MAP2K6: variants seen among roughly 807,000 people sequenced by gnomAD.
The protein encoded by MAP2K6 is mitogen-activated protein kinase kinase 6, also known as dual specificity mitogen-activated protein kinase kinase 6.
MAP2K6 carries 16 observed loss-of-function variants against 53.7 expected under a neutral mutation model. The observed-to-expected ratio is 0.30, with a 90% CI of 0.20 to 0.45. The LOEUF (loss-of-function observed/expected upper bound fraction) is 0.45, where lower values mean the gene tolerates loss of function less well. Among genes scored for constraint, MAP2K6 ranks in the 20% least tolerant of loss-of-function variants. MAP2K6 has a pLI of 1.00. For missense variants in MAP2K6, 204 were observed against 411.9 expected, an observed-to-expected ratio of 0.50 and a Z score of 4.37; for synonymous variants, 132 against 143.1, an observed-to-expected ratio of 0.92 and a Z score of 0.55.
intron 1 of MAP2K6, among the ~76,000 whole-genome samples, chr17:69,495,467 C>A (rs540842182): frequency 6.6e-5 from 10 of 152,056 alleles, no homozygotes; most frequent in Non-Finnish European, 1.3e-4. Flanking sequence ...AACTCCAGAC[C>A]TCAGGTGATC....
rs370210462 is a variant in MAP2K6 at position 69,488,003 on chromosome 17, A to G, written c.17-17777A>G. ...AGCTTCTGTATAGCAAAAGAAACTA[A>G]CACTAGAGTAAACAGACAACCTACA... On this transcript the variant is annotated intron_variant, in intron 1 of 11. Transcript: ENST00000590474. 4.6e-5 allele frequency among the ~76,000 whole-genome samples: 7 copies of G among 152,306 alleles called. No individual in the cohort carries two copies. The East Asian group carries it at 1.3e-3, about 29-fold the overall frequency.
At chr17:69,478,625 G>T (rs979078115) in intron 1 of MAP2K6, among the ~76,000 whole-genome samples, 1 of 152,020 alleles carries the variant, frequency 6.6e-6, no homozygotes, top group African/African-American at 2.4e-5. Context: ...GCAGAGATGG[G>T]GTTTCATCAT....
intron 7 of MAP2K6, chr17:69,521,943 C>A (rs1467753530): frequency 6.6e-6 from 1 of 152,034 alleles, no homozygotes; most frequent in East Asian, 1.9e-4. Context: ...GAATTTGAGA[C>A]CAGCCTGCCC....
At chr17:69,415,145 C>CT (rs1177929493) in intron 1 of MAP2K6, 145 bp downstream of exon 1, 31 of 739,170 alleles carry the variant, frequency 4.2e-5, no homozygotes, top group Admixed American at 2.1e-4. Flanking sequence ...TAGTATGTGT[C>CT]TTTTTTTGCA....
Position 69,521,177 on chromosome 17 carries a change from A to C in MAP2K6, c.535+77A>C, listed in dbSNP as rs1034458537. 5.3e-6 allele frequency: 7 copies of C among 1,322,070 alleles called. No homozygotes were observed. The African/African-American group carries it at 7.3e-5, about 14-fold the overall frequency. 81.9% of individuals were successfully genotyped at this position (1,322,070 alleles called of 1,614,324 possible). On this transcript the variant is annotated intron_variant, in intron 7 of 11. Transcript: ENST00000590474. The stretch of plus-strand genomic sequence containing the variant: ...TCACCTGGAGTCCGTCTCTACCCCC[A>C]GTCCCCCATGGGTGGAAGTAGAATT...
intron 1 of MAP2K6, among the ~76,000 whole-genome samples, chr17:69,501,962 G>C (rs1245069502): frequency 6.7e-6 from 1 of 148,886 alleles, no homozygotes; most frequent in African/African-American, 2.5e-5. Context: ...TTAGCGTCAG[G>C]TGTTGGCTGC....
intron 1 of MAP2K6, chr17:69,504,415 A>G (rs540916032): frequency 6.6e-6 from 1 of 152,400 alleles, no homozygotes; most frequent in South Asian, 2.1e-4. Context: ...AGCTGGGACT[A>G]CAGGTGCCTG....
chr17:69,448,079 G>A (rs535842610), intron 1 of MAP2K6, among the ~76,000 whole-genome samples: 1 of 152,264 alleles, frequency 6.6e-6, no homozygotes, highest in Non-Finnish European at 1.5e-5. Context: ...ATCTTTAAAT[G>A]CCTCTTCTAT....
At chr17:69,458,712 C>T (rs1333696442) in intron 1 of MAP2K6, among the ~76,000 whole-genome samples, 1 of 152,164 alleles carries the variant, frequency 6.6e-6, no homozygotes. Flanking sequence ...GCAGTGTCTC[C>T]ACGTTTCAGG....
chr17:69,463,361 A>G (rs1907685447), intron 1 of MAP2K6, among the ~76,000 whole-genome samples: 1 of 149,762 alleles, frequency 6.7e-6, no homozygotes, highest in Non-Finnish European at 1.5e-5. Context: ...ACTAATATAC[A>G]TATATGTATG....
intron 1 of MAP2K6, among the ~76,000 whole-genome samples, chr17:69,442,432 C>CT (rs1172346644): frequency 1.3e-5 from 2 of 152,226 alleles, no homozygotes; most frequent in Admixed American, 1.3e-4. Context: ...TCTGCCACCA[C>CT]TTCATACTTG....
At chr17:69,462,984 AGCAC>A (rs1907671378) in intron 1 of MAP2K6, among the ~76,000 whole-genome samples, 1 of 145,382 alleles carries the variant, frequency 6.9e-6, no homozygotes, top group Admixed American at 7.1e-5. Flanking sequence ...TTTCATGGGC[AGCAC>A]GCAGGGTGCT....
chr17:69,518,838 C>T (rs1404319293), intron 4 of MAP2K6, among the ~76,000 whole-genome samples: 1 of 152,204 alleles, frequency 6.6e-6, no homozygotes, highest in Non-Finnish European at 1.5e-5. Flanking sequence ...TAGGAATGAA[C>T]AGTTTCTCTA....
At chr17:69,536,079 C>T (rs770517051) in intron 10 of MAP2K6, 36 bp from the exon 11 acceptor site, 3 of 1,368,964 alleles carry the variant, frequency 2.2e-6, no homozygotes, top group Admixed American at 3.4e-5. Context: ...ATATATATGG[C>T]TTCTAGATTT....
Position 69,493,286 on chromosome 17 carries a change from G to GA in MAP2K6, c.17-12486dup, listed in dbSNP as rs536685307. ...TTTAAAATTTTATATAACCAAAAAGGAAAAAAAACAGTGTATGTGTTTGTG... is the reference window on the plus strand; with the variant it reads ...TTTAAAATTTTATATAACCAAAAAGGAAAAAAAAACAGTGTATGTGTTTGTG... On this transcript the variant is annotated intron_variant, in intron 1 of 11. Transcript: ENST00000590474. Among the ~76,000 whole-genome samples, 117 of 137,816 alleles carry GA rather than the reference G, an allele frequency of 8.5e-4. 1 individual carries two copies. The South Asian group carries it at 0.026, about 30-fold the overall frequency. The allele number at this position is 137,816 out of a possible 152,430, so 90.4% of individuals were successfully genotyped here.
intron 2 of MAP2K6, among the ~76,000 whole-genome samples, chr17:69,513,264 G>A (rs757484060): frequency 1.3e-5 from 2 of 152,212 alleles, no homozygotes; most frequent in African/African-American, 2.4e-5. Flanking sequence ...GGAGGCCTGG[G>A]TATTGGGAGC....
intron 1 of MAP2K6, among the ~76,000 whole-genome samples, chr17:69,475,814 C>T (rs1908131325): frequency 6.6e-6 from 1 of 152,160 alleles, no homozygotes; most frequent in Non-Finnish European, 1.5e-5. Context: ...AATGATTGGT[C>T]TAAACCAATC....
At chr17:69,534,173 C>G (rs1435037807) in intron 10 of MAP2K6, among the ~76,000 whole-genome samples, 2 of 152,126 alleles carry the variant, frequency 1.3e-5, no homozygotes, top group African/African-American at 4.8e-5. Context: ...TTCCATATAT[C>G]CCCTGGGGAG....
At chr17:69,539,675 A>G (rs1382093458) in intron 11 of MAP2K6, among the ~76,000 whole-genome samples, 2 of 152,180 alleles carry the variant, frequency 1.3e-5, no homozygotes, top group East Asian at 3.8e-4. Context: ...GGCAACATCT[A>G]CTGAGCTAAT....
Sources: gnomAD v4.1 joint callset for allele counts (sites outside exome capture counted in the v4.1 genomes callset) on GRCh38, gnomAD v4.1.1 for gene constraint, MANE v1.5 for transcripts, NCBI Gene and HGNC (gene_info 2026-07-23, HGNC 2026-07-21) for gene names.